Variants in DNER observed in about 807,000 individuals in gnomAD.
DNER encodes delta/notch like EGF repeat containing.
DNER carries 33 observed loss-of-function variants against 78.2 expected under a neutral mutation model. The observed-to-expected ratio is 0.42, with a 90% CI of 0.32 to 0.56. The LOEUF is 0.56. DNER is among the 20% of genes least tolerant of loss of function. The pLI is 0.11. For missense variants in DNER, 918 were observed against 975.3 expected, an observed-to-expected ratio of 0.94 and a Z score of 0.78; for synonymous variants, 417 against 384.8, an observed-to-expected ratio of 1.08 and a Z score of -0.98.
chr2:229,490,473 C>G (rs572331486), intron 6 of DNER, among the ~76,000 whole-genome samples: 2 of 152,076 alleles, frequency 1.3e-5, no homozygotes, highest in African/African-American at 4.8e-5. Flanking sequence ...AAGACACCAG[C>G]CACAAAACTA....
At chr2:229,545,479 G>A (rs1696609675) in intron 5 of DNER, among the ~76,000 whole-genome samples, 1 of 152,238 alleles carries the variant, frequency 6.6e-6, no homozygotes, top group African/African-American at 2.4e-5. Flanking sequence ...GGAGGCTGAG[G>A]CAGGAGAAAC....
At chr2:229,563,534 G>GTTATCATCCTCACCCCATCACCATCATCA (rs1697014227) in intron 4 of DNER, among the ~76,000 whole-genome samples, 1 of 75,806 alleles carries the variant, frequency 1.3e-5, no homozygotes, top group African/African-American at 5.4e-5. Flanking sequence ...CACCATCATC[G>GTTATCATCCTCACCCCATCACCATCATCA]TCATCACCCC....
chr2:229,667,206 G>A (rs192916919), intron 1 of DNER, among the ~76,000 whole-genome samples: 1 of 152,316 alleles, frequency 6.6e-6, no homozygotes, highest in African/African-American at 2.4e-5. Context: ...TTTCTTTTCA[G>A]CAGGTCTGTG....
intron 11 of DNER, among the ~76,000 whole-genome samples, chr2:229,369,557 G>A (rs1692433900): frequency 6.6e-6 from 1 of 152,104 alleles, no homozygotes; most frequent in Non-Finnish European, 1.5e-5. Context: ...TCCCTAAAGA[G>A]GACCAGCTGT....
chr2:229,358,294 G>T lies in DNER; in HGVS notation c.*246C>A. ...CGTGATAGTGTCTACAGTGAAAAGA[G>T]CACACACTAGTAGAAGCACACAGTT... On this transcript the variant is annotated 3_prime_UTR_variant, in exon 13 of 13. Transcript: ENST00000341772. 2 of 263,746 alleles carry T rather than the reference G, an allele frequency of 7.6e-6. No homozygotes were observed. The highest frequency in any genetic ancestry group is 1.4e-5 in the Non-Finnish European group (2 of 139,990). 16.3% of individuals were successfully genotyped at this position (263,746 alleles called of 1,614,324 possible).
intron 5 of DNER, among the ~76,000 whole-genome samples, chr2:229,531,688 A>T (rs1696305402): frequency 6.6e-6 from 1 of 152,256 alleles, no homozygotes; most frequent in Non-Finnish European, 1.5e-5. Flanking sequence ...GAAAACAAGG[A>T]CTTAAACAAA....
chr2:229,633,065 T>A (rs987765486), intron 1 of DNER, among the ~76,000 whole-genome samples: 15 of 152,332 alleles, frequency 9.8e-5, no homozygotes, highest in African/African-American at 3.4e-4. Flanking sequence ...TTAGGAAACC[T>A]ATGAGACAAT....
At chr2:229,403,741 A>C (rs913467622) in intron 10 of DNER, among the ~76,000 whole-genome samples, 2 of 151,936 alleles carry the variant, frequency 1.3e-5, no homozygotes, top group African/African-American at 2.4e-5. Context: ...ATATATGGGT[A>C]TGGTGGGTGT....
chr2:229,668,604 C>G (rs1429550610), intron 1 of DNER, among the ~76,000 whole-genome samples: 1 of 126,846 alleles, frequency 7.9e-6, no homozygotes, highest in Non-Finnish European at 1.6e-5. Context: ...ATGTGGCCAA[C>G]AAACATATGA....
intron 5 of DNER, among the ~76,000 whole-genome samples, chr2:229,531,349 TG>T (rs752719086): frequency 3.3e-5 from 5 of 152,240 alleles, no homozygotes; most frequent in Non-Finnish European, 7.3e-5. Context: ...TCAGTTTTGT[TG>T]GGGAAACTCA....
intron 10 of DNER, among the ~76,000 whole-genome samples, chr2:229,397,463 C>CAAAAAAAAAA (rs763572496): frequency 7.2e-5 from 7 of 96,598 alleles, no homozygotes; most frequent in South Asian, 3.9e-4. Flanking sequence ...CCAAACACTA[C>CAAAAAAAAAA]AAAAAAAAAA....
chr2:229,504,229 C>T (rs1257784875), intron 6 of DNER, among the ~76,000 whole-genome samples: 1 of 151,824 alleles, frequency 6.6e-6, no homozygotes, highest in Admixed American at 6.6e-5. Flanking sequence ...TATTTACTTA[C>T]TTATTTTTGA....
Position 229,588,415 on chromosome 2 carries a change from A to G in DNER, c.659T>C (p.Val220Ala), listed in dbSNP as rs1397074527. ...TTACTTGACTGAGGTGTTCTGTGGC[A>G]CTTCAAAGGATACCAGGCGGCCACC... ...SAGGRLVSFE[V>A]PQNTSVKIRQ... Residue 220 changes from valine (V) to alanine (A), a missense_variant, in exon 3 of 13, where the codon GTG (valine) becomes GCG (alanine). Coordinates refer to ENST00000341772, the MANE Select transcript of DNER (RefSeq NM_139072.4). 1 of 1,612,728 alleles carries G rather than the reference A, an allele frequency of 6.2e-7. No homozygotes were observed. The highest frequency in any genetic ancestry group is 1.3e-5 in the African/African-American group (1 of 74,808).
At chr2:229,667,211 T>C (rs184148000) in intron 1 of DNER, among the ~76,000 whole-genome samples, 2 of 152,278 alleles carry the variant, frequency 1.3e-5, no homozygotes, top group East Asian at 3.9e-4. Flanking sequence ...TTTCAGCAGG[T>C]CTGTGGCAGC....
In DNER at chr2:229,617,580, G is replaced by A. The variant is rs78546827; in HGVS notation, c.277-25692C>T. The stretch of plus-strand genomic sequence containing the variant: ...AAAGTTTATATTTTTTGCTGATATT[G>A]TAAGTCATTTATTTCCATACTTCAT... On this transcript the variant is annotated intron_variant, in intron 1 of 12. Transcript: ENST00000341772. Among the ~76,000 whole-genome samples, 1,492 of 152,212 alleles carry A rather than the reference G, an allele frequency of 9.8e-3. 22 individuals are homozygous for A. The highest frequency in any genetic ancestry group is 0.035 in the African/African-American group (1,434 of 41,522).
At chr2:229,406,486 C>T (rs2106343591) in intron 10 of DNER, among the ~76,000 whole-genome samples, 1 of 152,216 alleles carries the variant, frequency 6.6e-6, no homozygotes, top group South Asian at 2.1e-4. Context: ...ACTTTATCTG[C>T]CTACGTGTCC....
chr2:229,376,623 C>T (rs780277683), intron 11 of DNER, among the ~76,000 whole-genome samples: 2 of 152,070 alleles, frequency 1.3e-5, no homozygotes, highest in African/African-American at 2.4e-5. Context: ...TAAAAAGTGT[C>T]GTAGATCTGC....
intron 1 of DNER, among the ~76,000 whole-genome samples, chr2:229,631,953 C>A (rs978676050): frequency 6.6e-6 from 1 of 152,228 alleles, no homozygotes; most frequent in African/African-American, 2.4e-5. Flanking sequence ...ATTATGGTCA[C>A]TCTTATTACT....
intron 6 of DNER, among the ~76,000 whole-genome samples, chr2:229,482,915 G>A (rs181032295): frequency 6.6e-6 from 1 of 152,166 alleles, no homozygotes; most frequent in African/African-American, 2.4e-5. Context: ...ACATGAAAAT[G>A]TCTTAAGAGG....
Sources: allele counts gnomAD v4.1 joint callset (sites outside exome capture counted in the v4.1 genomes callset), GRCh38; gene constraint gnomAD v4.1.1; transcripts MANE v1.5; gene names NCBI Gene and HGNC (gene_info 2026-07-23, HGNC 2026-07-21).